The following PHLPP1 variants were observed in gnomAD, a reference collection of about 807,000 sequenced individuals.
The protein encoded by PHLPP1 is PH domain leucine-rich repeat-containing protein phosphatase 1.
A neutral mutation model predicts 117.2 loss-of-function variants in PHLPP1; 42 were observed. That is an observed-to-expected ratio of 0.36 (90% CI 0.28 to 0.46). PHLPP1 has a LOEUF of 0.46. Among genes scored for constraint, PHLPP1 ranks in the 20% least tolerant of loss-of-function variants. The pLI, the probability that PHLPP1 is intolerant of heterozygous loss-of-function variation, is 1.00. For synonymous variants in PHLPP1, 1,042 were observed against 970.7 expected (o/e 1.07, Z -1.37); for missense variants, 2,084 against 2,241.9 (o/e 0.93, Z 1.42).
At chr18:62,765,490 T>G (rs1912440464) in intron 1 of PHLPP1, among the ~76,000 whole-genome samples, 1 of 152,258 alleles carries the variant, frequency 6.6e-6, no homozygotes, top group Non-Finnish European at 1.5e-5. Context: ...CATTGGTACC[T>G]TTATTGGCTC....
intron 6 of PHLPP1, among the ~76,000 whole-genome samples, chr18:62,896,919 T>C (rs1916577929): frequency 1.3e-5 from 2 of 152,220 alleles, no homozygotes; most frequent in Admixed American, 1.3e-4. Context: ...TTTGCAGATA[T>C]AAAATTCTTA....
chr18:62,965,384 C>A (rs533740199), intron 14 of PHLPP1, among the ~76,000 whole-genome samples: 1 of 151,330 alleles, frequency 6.6e-6, no homozygotes. Context: ...GTAGTATTGC[C>A]TTCCTGTCAG....
At chr18:62,867,706 G>C (rs527915224) in intron 4 of PHLPP1, among the ~76,000 whole-genome samples, 3 of 152,262 alleles carry the variant, frequency 2.0e-5, no homozygotes, top group Admixed American at 6.5e-5. Flanking sequence ...TTTTCCTCAG[G>C]GGGTGTCAGT....
intron 14 of PHLPP1, among the ~76,000 whole-genome samples, chr18:62,964,048 AT>A (rs1910840138): frequency 2.0e-5 from 3 of 151,736 alleles, no homozygotes. Context: ...ACAGATATTG[AT>A]TTTTCCTGAA....
chr18:62,923,272 G>A (rs1160018977), intron 10 of PHLPP1, among the ~76,000 whole-genome samples: 1 of 152,188 alleles, frequency 6.6e-6, no homozygotes, highest in Non-Finnish European at 1.5e-5. Flanking sequence ...GAGAGTTCTG[G>A]AGTAAAGGGT....
intron 13 of PHLPP1, among the ~76,000 whole-genome samples, chr18:62,960,517 A>G (rs1910736732): frequency 6.6e-6 from 1 of 152,234 alleles, no homozygotes; most frequent in Non-Finnish European, 1.5e-5. Flanking sequence ...AAAAAATAAA[A>G]GCATTAATAT....
At chr18:62,913,853 C>T (rs1037224021) in intron 8 of PHLPP1, among the ~76,000 whole-genome samples, 2 of 149,742 alleles carry the variant, frequency 1.3e-5, no homozygotes, top group East Asian at 2.0e-4. Flanking sequence ...AAACGATTCT[C>T]GTGCCTCAGC....
intron 14 of PHLPP1, among the ~76,000 whole-genome samples, chr18:62,964,641 A>G (rs1416774223): frequency 6.6e-6 from 1 of 152,148 alleles, no homozygotes; most frequent in Non-Finnish European, 1.5e-5. Context: ...CTACTCCCTC[A>G]TTTCCATGGA....
At chr18:62,776,364 T>C (rs1912955585) in intron 1 of PHLPP1, among the ~76,000 whole-genome samples, 1 of 152,212 alleles carries the variant, frequency 6.6e-6, no homozygotes, top group African/African-American at 2.4e-5. Flanking sequence ...TTGTTCTTAT[T>C]GCCGTCGACT....
chr18:62,788,590 CTGTTCT>C (rs1913367326), intron 1 of PHLPP1, among the ~76,000 whole-genome samples: 1 of 151,846 alleles, frequency 6.6e-6, no homozygotes, highest in East Asian at 1.9e-4. Context: ...TGTCAAAGAG[CTGTTCT>C]TGTTCAGTCT....
At chr18:62,921,349 C>T (rs1327082728) in intron 10 of PHLPP1, among the ~76,000 whole-genome samples, 1 of 152,176 alleles carries the variant, frequency 6.6e-6, no homozygotes, top group Middle Eastern at 3.2e-3. Context: ...TTTTACCTTA[C>T]AAAATAAATG....
chr18:62,857,269 G>A (rs1422141202), intron 3 of PHLPP1, among the ~76,000 whole-genome samples: 2 of 150,756 alleles, frequency 1.3e-5, no homozygotes, highest in Non-Finnish European at 3.0e-5. Flanking sequence ...ATATGGAGGT[G>A]TGTGTGTATT....
chr18:62,739,620 T>TAAGGATG (rs1347709425), intron 1 of PHLPP1, among the ~76,000 whole-genome samples: 20 of 152,066 alleles, frequency 1.3e-4, no homozygotes, highest in Non-Finnish European at 7.4e-5. Context: ...AGAAAGAGGC[T>TAAGGATG]AAGGATGATG....
intron 1 of PHLPP1, among the ~76,000 whole-genome samples, chr18:62,827,141 C>G (rs951442967): frequency 4.6e-5 from 7 of 152,140 alleles, no homozygotes; most frequent in Admixed American, 2.0e-4. Flanking sequence ...GTGCCAAGTG[C>G]GTAAGTAAAA....
At chr18:62,912,403 T>C (rs373150547) in intron 8 of PHLPP1, among the ~76,000 whole-genome samples, 5 of 151,748 alleles carry the variant, frequency 3.3e-5, no homozygotes, top group African/African-American at 9.6e-5. Context: ...TAAAACTCTT[T>C]GAGTAGTGCT....
At chr18:62,849,824 A>ATAT (rs1450269021) in intron 3 of PHLPP1, among the ~76,000 whole-genome samples, 1 of 44,760 alleles carries the variant, frequency 2.2e-5, no homozygotes, top group African/African-American at 9.4e-5. Context: ...AAAAAAAAAA[A>ATAT]AAAAAAAAAT....
chr18:62,892,428 T>G (rs1461192843), intron 4 of PHLPP1, among the ~76,000 whole-genome samples: 1 of 152,102 alleles, frequency 6.6e-6, no homozygotes, highest in Non-Finnish European at 1.5e-5. Flanking sequence ...TCTTTTAATA[T>G]CTGGCTGGAT....
chr18:62,809,544 C>T (rs749112134), intron 1 of PHLPP1, among the ~76,000 whole-genome samples: 7 of 151,884 alleles, frequency 4.6e-5, no homozygotes, highest in Admixed American at 1.3e-4. Flanking sequence ...ACTAAAAATA[C>T]GAAAAAAATT....
At chr18:62,912,543 G>A (rs1468918402) in intron 8 of PHLPP1, among the ~76,000 whole-genome samples, 1 of 142,088 alleles carries the variant, frequency 7.0e-6, no homozygotes, top group Admixed American at 7.1e-5. Flanking sequence ...TTCACATTTT[G>A]AATAAGAGCA....
Sources: allele counts gnomAD v4.1 joint callset (sites outside exome capture counted in the v4.1 genomes callset), GRCh38; gene constraint gnomAD v4.1.1; transcripts MANE v1.5; gene names NCBI Gene and HGNC (gene_info 2026-07-23, HGNC 2026-07-21).